The following ATP8A2 variants were observed in gnomAD, a reference collection of about 807,000 sequenced individuals.
ATP8A2 encodes phospholipid-transporting ATPase IB.
Under a neutral mutation model 165.6 loss-of-function variants are expected in ATP8A2, and 100 were observed. The observed-to-expected ratio is 0.60, with a 90% confidence interval of 0.51 to 0.71. ATP8A2 has a LOEUF of 0.71. Among genes scored for constraint, ATP8A2 ranks in the 30% least tolerant of loss-of-function variants. ATP8A2 has a pLI of 0.00. For missense variants in ATP8A2, 1,227 were observed against 1,479.5 expected, an observed-to-expected ratio of 0.83 and a Z score of 2.80; for synonymous variants, 543 against 548.8, an observed-to-expected ratio of 0.99 and a Z score of 0.15.
intron 13 of ATP8A2, among the ~76,000 whole-genome samples, chr13:25,556,398 C>A (rs1449770732): frequency 6.6e-6 from 1 of 152,002 alleles, no homozygotes; most frequent in Admixed American, 6.6e-5. Context: ...TGTTTTTTGG[C>A]CACTTGCATG....
intron 35 of ATP8A2, among the ~76,000 whole-genome samples, chr13:25,979,215 A>G (rs1956130176): frequency 1.3e-5 from 2 of 152,224 alleles, no homozygotes. Flanking sequence ...AGAATATGTA[A>G]AAGTTATCAC....
chr13:25,898,106 A>C (rs1265101051), intron 33 of ATP8A2, among the ~76,000 whole-genome samples: 12 of 151,888 alleles, frequency 7.9e-5, no homozygotes, highest in East Asian at 1.9e-4. Flanking sequence ...AGGTGCTCTG[A>C]TTTTTAGAGT....
intron 16 of ATP8A2, among the ~76,000 whole-genome samples, chr13:25,566,302 C>T (rs1231795522): frequency 6.6e-6 from 1 of 150,714 alleles, no homozygotes; most frequent in Admixed American, 6.6e-5. Flanking sequence ...GGATTCTGAT[C>T]TTAGAGGTAG....
chr13:25,895,323 T>A (rs1028010359), intron 33 of ATP8A2, among the ~76,000 whole-genome samples: 1 of 152,246 alleles, frequency 6.6e-6, no homozygotes, highest in Non-Finnish European at 1.5e-5. Flanking sequence ...TCTGTTTATA[T>A]GCTGGATTAT....
In ATP8A2 at chr13:25,953,307, C is replaced by T. The variant is rs1263425772; in HGVS notation, c.3184-8268C>T. 1.3e-5 allele frequency among the ~76,000 whole-genome samples: 2 copies of T among 151,830 alleles called. No individual in the cohort carries two copies. The highest frequency in any genetic ancestry group is 6.6e-5 in the Admixed American group (1 of 15,230). On this transcript the variant is annotated intron_variant, in intron 33 of 36. Transcript: ENST00000381655. This position sits in a 1 kb window ranked among gnomAD's most constrained non-coding sequence, Gnocchi z 6.7. ...GGCTGCAGGTGCTGTGGGGAAGGGGCAGACTTAAATTTTCTTCTGTAAAAT... is the reference window on the plus strand; with the variant it reads ...GGCTGCAGGTGCTGTGGGGAAGGGGTAGACTTAAATTTTCTTCTGTAAAAT...
chr13:25,706,278 G>A (rs898300036), intron 25 of ATP8A2, among the ~76,000 whole-genome samples: 1 of 152,112 alleles, frequency 6.6e-6, no homozygotes, highest in Admixed American at 6.5e-5. Flanking sequence ...TATATATACT[G>A]TCCAACATTT....
At chr13:25,743,402 G>T (rs1236862020) in intron 25 of ATP8A2, among the ~76,000 whole-genome samples, 7 of 152,168 alleles carry the variant, frequency 4.6e-5, no homozygotes, top group African/African-American at 9.7e-5. Context: ...TCCAGTTTAT[G>T]GTGCTTGGTT....
intron 2 of ATP8A2, among the ~76,000 whole-genome samples, chr13:25,483,170 A>G (rs908160342): frequency 6.6e-6 from 1 of 152,236 alleles, no homozygotes; most frequent in Admixed American, 6.5e-5. Flanking sequence ...ATACTGCTGC[A>G]GGAGAAGAGA....
chr13:25,607,715 C>G (rs2040554599), intron 24 of ATP8A2, among the ~76,000 whole-genome samples: 1 of 152,150 alleles, frequency 6.6e-6, no homozygotes, highest in Admixed American at 6.5e-5. Context: ...AAAATGTTAA[C>G]AAGCATTTTT....
intron 33 of ATP8A2, among the ~76,000 whole-genome samples, chr13:25,940,464 CT>C (rs1331774579): frequency 6.6e-6 from 1 of 152,226 alleles, no homozygotes; most frequent in African/African-American, 2.4e-5. Flanking sequence ...TTCCTGCTGC[CT>C]TCCCGTCCTC....
Position 25,596,908 on chromosome 13 carries a change from C to T in ATP8A2, c.2211+7209C>T, listed in dbSNP as rs143127059. Among the ~76,000 whole-genome samples the T allele has an allele frequency of 3.2e-3, 492 of 152,248 alleles. 2 individuals are homozygous for T. The highest frequency in any genetic ancestry group is 6.0e-3 in the Non-Finnish European group (408 of 68,004). On this transcript the variant is annotated intron_variant, in intron 24 of 36. Transcript: ENST00000381655. ...AGTTTTCATTTTTGCGTATCTTCAC[C>T]GGTGTTTGGTACTGTCAGTCGTTTT...
At chr13:25,693,208 A>G (rs1456290691) in intron 24 of ATP8A2, among the ~76,000 whole-genome samples, 1 of 152,226 alleles carries the variant, frequency 6.6e-6, no homozygotes, top group African/African-American at 2.4e-5. Flanking sequence ...CTAAGTGCCC[A>G]ATAACTACCT....
chr13:25,877,615 T>C (rs545662354), intron 33 of ATP8A2, among the ~76,000 whole-genome samples: 1 of 152,360 alleles, frequency 6.6e-6, no homozygotes, highest in East Asian at 1.9e-4. Context: ...TCCAGTTCAG[T>C]AGTAGTTACT....
chr13:25,401,422 A>C (rs142920197), intron 1 of ATP8A2, among the ~76,000 whole-genome samples: 1 of 152,360 alleles, frequency 6.6e-6, no homozygotes, highest in East Asian at 1.9e-4. Flanking sequence ...AGAAAGAGCT[A>C]GCAGCAAGAT....
At chr13:25,815,810 T>C (rs1174484248) in intron 27 of ATP8A2, among the ~76,000 whole-genome samples, 1 of 152,174 alleles carries the variant, frequency 6.6e-6, no homozygotes, top group Non-Finnish European at 1.5e-5. Flanking sequence ...GGTGAATGAA[T>C]AAACAAAGTA....
chr13:25,815,899 A>G (rs2138541103), intron 27 of ATP8A2, among the ~76,000 whole-genome samples: 1 of 152,358 alleles, frequency 6.6e-6, no homozygotes, highest in South Asian at 2.1e-4. Context: ...TGGATGAATA[A>G]AACTTTATGT....
At chr13:25,979,205 A>G (rs1460033831) in intron 35 of ATP8A2, among the ~76,000 whole-genome samples, 1 of 152,208 alleles carries the variant, frequency 6.6e-6, no homozygotes, top group African/African-American at 2.4e-5. Flanking sequence ...AGGAACTTGG[A>G]GAATATGTAA....
intron 26 of ATP8A2, among the ~76,000 whole-genome samples, chr13:25,769,593 G>A (rs1215754852): frequency 6.6e-6 from 1 of 152,186 alleles, no homozygotes; most frequent in African/African-American, 2.4e-5. Flanking sequence ...AAGCACAGCT[G>A]TGCTCATGAC....
At chr13:25,756,341 T>C (rs1358040489) in intron 25 of ATP8A2, among the ~76,000 whole-genome samples, 1 of 151,442 alleles carries the variant, frequency 6.6e-6, no homozygotes, top group Non-Finnish European at 1.5e-5. Flanking sequence ...TTTTTTTTTT[T>C]TTTGAGACAG....
Sources: gnomAD v4.1 joint callset for allele counts (sites outside exome capture counted in the v4.1 genomes callset) on GRCh38, gnomAD v4.1.1 for gene constraint, Gnocchi (gnomAD v3.1) non-coding constraint, MANE v1.5 for transcripts, NCBI Gene and HGNC (gene_info 2026-07-23, HGNC 2026-07-21) for gene names.